The following FAAH2 variants were observed in gnomAD, a reference collection of about 807,000 sequenced individuals.
FAAH2 encodes fatty-acid amide hydrolase 2.
FAAH2 carries 60 observed loss-of-function variants against 36.9 expected under a neutral mutation model. That is an observed-to-expected ratio of 1.63 (90% CI 1.32 to 2.02). FAAH2 has a LOEUF of 2.02. FAAH2 is among the 30% of genes most tolerant of loss of function. The probability of loss-of-function intolerance (pLI) is 0.00; values close to 1 mark genes in which losing one functional copy is unlikely to be tolerated. For missense variants in FAAH2, 689 were observed against 397.5 expected, an observed-to-expected ratio of 1.73 and a Z score of -6.23; for synonymous variants, 214 against 143.8, an observed-to-expected ratio of 1.49 and a Z score of -3.49.
At chrX:57,220,666 C>T in the FAAH2 span, among the ~76,000 whole-genome samples, 174 of 112,236 alleles carry the variant, frequency 1.6e-3, no homozygotes, top group African/African-American at 3.9e-3. Context: ...CCCACGGGGC[C>T]GCAGCTCCAC....
At chrX:57,310,185 T>A (rs1486946134) in intron 2 of FAAH2, among the ~76,000 whole-genome samples, 1 of 112,216 alleles carries the variant, frequency 8.9e-6, no homozygotes, top group African/African-American at 3.2e-5. Context: ...ATCAGTGATG[T>A]TGAGCTTTTT....
chrX:57,458,312 A>G (rs777987820), intron 10 of FAAH2, among the ~76,000 whole-genome samples: 22 of 111,978 alleles, frequency 2.0e-4, no homozygotes, highest in African/African-American at 7.1e-4. Flanking sequence ...TAGATTAAAT[A>G]TTTAAATGTA....
chrX:57,306,076 G>T (rs1417324608), intron 2 of FAAH2, among the ~76,000 whole-genome samples: 3 of 112,020 alleles, frequency 2.7e-5, no homozygotes, highest in Non-Finnish European at 5.6e-5. Flanking sequence ...TTGGTCTTAG[G>T]TTCCCAATCC....
chrX:57,484,235 G>A (rs763750898), intron 10 of FAAH2, among the ~76,000 whole-genome samples: 5 of 111,250 alleles, frequency 4.5e-5, no homozygotes, highest in Admixed American at 9.6e-5. Context: ...GAGCTAGATC[G>A]TGGTGTTCCC....
intron 7 of FAAH2, among the ~76,000 whole-genome samples, chrX:57,421,558 G>A (rs1181222241): frequency 9.0e-6 from 1 of 111,386 alleles, no homozygotes; most frequent in South Asian, 3.8e-4. Context: ...CAAGGCTCAG[G>A]GAAATAGAAT....
the FAAH2 span, among the ~76,000 whole-genome samples, chrX:57,177,520 G>A: frequency 2.0e-5 from 2 of 97,601 alleles, no homozygotes; most frequent in African/African-American, 7.3e-5. Context: ...AAACAAATGT[G>A]GGTCGGTTCG....
the FAAH2 span, among the ~76,000 whole-genome samples, chrX:57,269,650 G>A: frequency 9.0e-6 from 1 of 111,511 alleles, no homozygotes; most frequent in African/African-American, 3.3e-5. Flanking sequence ...GAAATTAAGG[G>A]AGAAATCAGT....
At chrX:57,367,377 T>C (rs1196712190) in intron 5 of FAAH2, among the ~76,000 whole-genome samples, 1 of 112,330 alleles carries the variant, frequency 8.9e-6, no homozygotes, top group Non-Finnish European at 1.9e-5. Flanking sequence ...AACAAGGCAA[T>C]GACACTAAAT....
At chrX:57,398,120 T>C in intron 7 of FAAH2, among the ~76,000 whole-genome samples, 1 of 111,475 alleles carries the variant, frequency 9.0e-6, no homozygotes, top group Non-Finnish European at 1.9e-5. Flanking sequence ...GAACTAGAAA[T>C]ACCATTTGAC....
the FAAH2 span, among the ~76,000 whole-genome samples, chrX:57,215,756 G>A: frequency 1.6e-4 from 18 of 109,518 alleles, no homozygotes; most frequent in African/African-American, 3.6e-4. Context: ...GTAAGTGGGA[G>A]TAGAACAATA....
At chrX:57,127,496 T>G in the FAAH2 span, among the ~76,000 whole-genome samples, 1 of 111,690 alleles carries the variant, frequency 9.0e-6, no homozygotes, top group African/African-American at 3.2e-5. Flanking sequence ...CTCACATCTA[T>G]TTTCCATATA....
the FAAH2 span, among the ~76,000 whole-genome samples, chrX:57,128,659 A>G: frequency 8.9e-6 from 1 of 111,870 alleles, no homozygotes; most frequent in African/African-American, 3.2e-5. Context: ...TACAGGAAAA[A>G]GGACCAACAA....
At chrX:57,478,353 A>C (rs1486522625) in intron 10 of FAAH2, among the ~76,000 whole-genome samples, 2 of 110,276 alleles carry the variant, frequency 1.8e-5, no homozygotes, top group Non-Finnish European at 3.8e-5. Flanking sequence ...TTTTTCTTGT[A>C]AATTTGTTTG....
intron 5 of FAAH2, among the ~76,000 whole-genome samples, chrX:57,354,562 A>C (rs764268989): frequency 1.8e-5 from 2 of 110,549 alleles, no homozygotes; most frequent in East Asian, 5.7e-4. Context: ...CTGCACATAC[A>C]TCTCATAAAT....
the FAAH2 span, among the ~76,000 whole-genome samples, chrX:57,196,189 G>A: frequency 1.8e-5 from 2 of 111,914 alleles, no homozygotes; most frequent in South Asian, 3.7e-4. Flanking sequence ...ATTGCTTTTG[G>A]CAGTATGAAC....
At chrX:57,171,827 A>G in the FAAH2 span, among the ~76,000 whole-genome samples, 6 of 111,778 alleles carry the variant, frequency 5.4e-5, no homozygotes, top group Non-Finnish European at 1.1e-4. Context: ...TAGTCATAAT[A>G]TTTGCCTAGA....
At chrX:57,455,405 A>C (rs1326234524) in intron 10 of FAAH2, among the ~76,000 whole-genome samples, 1 of 111,323 alleles carries the variant, frequency 9.0e-6, no homozygotes, top group Non-Finnish European at 1.9e-5. Context: ...AAGTCTAAAA[A>C]ACAGTCAACA....
chrX:57,245,042 A>T, the FAAH2 span, among the ~76,000 whole-genome samples: 1 of 111,533 alleles, frequency 9.0e-6, no homozygotes, highest in Non-Finnish European at 1.9e-5. Context: ...AATATTTACC[A>T]AGGAAATGGA....
At chrX:57,336,198 T>G (rs2053547504) in intron 4 of FAAH2, among the ~76,000 whole-genome samples, 1 of 111,156 alleles carries the variant, frequency 9.0e-6, no homozygotes. Context: ...CTTGTGAAAT[T>G]CCTTCTCCTG....
Sources: allele counts gnomAD v4.1 joint callset (sites outside exome capture counted in the v4.1 genomes callset), GRCh38; gene constraint gnomAD v4.1.1; transcripts MANE v1.5; gene names NCBI Gene and HGNC (gene_info 2026-07-23, HGNC 2026-07-21).